Variants in LRRFIP1 observed in about 807,000 individuals in gnomAD.
The protein encoded by LRRFIP1 is LRR binding FLII interacting protein 1.
LRRFIP1 carries 62 observed loss-of-function variants against 104.4 expected under a neutral mutation model. The ratio of observed to expected loss-of-function variants is 0.59; its 90% CI spans 0.48 to 0.73. The LOEUF is 0.73. LRRFIP1 is among the 30% of genes least tolerant of loss of function. LRRFIP1 has a pLI of 0.00. For synonymous variants in LRRFIP1, 300 were observed against 299.0 expected (o/e 1.00, Z -0.03); for missense variants, 796 against 824.5 (o/e 0.97, Z 0.42).
At chr2:237,678,011 C>T (rs530187435) in intron 1 of LRRFIP1, among the ~76,000 whole-genome samples, 6 of 152,246 alleles carry the variant, frequency 3.9e-5, no homozygotes, top group South Asian at 2.1e-4. Flanking sequence ...TCACCTCGGG[C>T]GGACCATTTC....
chr2:237,656,937 T>C (rs921755673), intron 1 of LRRFIP1, among the ~76,000 whole-genome samples: 5 of 152,278 alleles, frequency 3.3e-5, no homozygotes, highest in Non-Finnish European at 7.3e-5. Context: ...AATTTTACAA[T>C]GTTACGAAGA....
At chr2:237,683,011 G>A (rs1413369934) in intron 1 of LRRFIP1, among the ~76,000 whole-genome samples, 1 of 152,238 alleles carries the variant, frequency 6.6e-6, no homozygotes, top group Non-Finnish European at 1.5e-5. Flanking sequence ...AACAGCTGGG[G>A]TGGAGAGCGC....
chr2:237,753,514 G>A, intron 15 of LRRFIP1, 35 bp downstream of exon 15: 1 of 1,510,246 alleles, frequency 6.6e-7, no homozygotes, highest in Non-Finnish European at 8.8e-7. Flanking sequence ...GTTAACAATA[G>A]GCTGCGTGCA....
At chr2:237,659,727 C>T (rs771701213) in intron 1 of LRRFIP1, among the ~76,000 whole-genome samples, 5 of 151,652 alleles carry the variant, frequency 3.3e-5, no homozygotes, top group Admixed American at 6.6e-5. Flanking sequence ...ATCGCTGCCT[C>T]GCTCCTGGGC....
At chr2:237,634,501 A>G (rs1274509437) in intron 1 of LRRFIP1, among the ~76,000 whole-genome samples, 6 of 152,210 alleles carry the variant, frequency 3.9e-5, no homozygotes, top group Non-Finnish European at 7.3e-5. Flanking sequence ...TTACTTATCA[A>G]CTTTGTGCCT....
At chr2:237,663,045 C>T (rs1184272593) in intron 1 of LRRFIP1, among the ~76,000 whole-genome samples, 2 of 152,140 alleles carry the variant, frequency 1.3e-5, no homozygotes, top group African/African-American at 2.4e-5. Context: ...CCCTGCCCTG[C>T]GGGAGCCGGC....
At chr2:237,639,649 T>C (rs2083624840) in intron 1 of LRRFIP1, among the ~76,000 whole-genome samples, 1 of 152,232 alleles carries the variant, frequency 6.6e-6, no homozygotes, top group Non-Finnish European at 1.5e-5. Flanking sequence ...AACCAATGCC[T>C]GGAGCCGGCT....
In LRRFIP1 at chr2:237,726,288, GATAA is replaced by G. The variant is rs537061125; in HGVS notation, c.385-1584_385-1581del. 3.1e-3 allele frequency among the ~76,000 whole-genome samples: 479 copies of G among 152,276 alleles called. 1 individual carries two copies. Among genetic ancestry groups the G allele is most frequent in the African/African-American group, 7.5e-3 (312 of 41,570 alleles). On this transcript the variant is annotated intron_variant, in intron 7 of 23. Coordinates refer to ENST00000308482, the MANE Select transcript of LRRFIP1 (RefSeq NM_001137550.2). ...TTGATTTGTTTTGAGTTACAGCAAA[GATAA>G]ATATATAGTTTGATAGTCAAAGTTT...
intron 19 of LRRFIP1, chr2:237,765,093 C>G (rs781196855): frequency 1.1e-4 from 52 of 477,296 alleles, no homozygotes; most frequent in Non-Finnish European, 1.4e-4. Context: ...GAAACCCTGT[C>G]TCTACTAAAA....
chr2:237,645,480 C>T (rs1424585304), intron 1 of LRRFIP1, among the ~76,000 whole-genome samples: 2 of 149,886 alleles, frequency 1.3e-5, no homozygotes, highest in African/African-American at 2.4e-5. Context: ...CCCTCTCCTC[C>T]GACTTGCCAC....
chr2:237,635,456 T>C (rs1303570441), intron 1 of LRRFIP1, among the ~76,000 whole-genome samples: 1 of 152,188 alleles, frequency 6.6e-6, no homozygotes, highest in Non-Finnish European at 1.5e-5. Flanking sequence ...AGTGCCACTC[T>C]TCATGCTCTT....
Position 237,780,693 on chromosome 2 carries a change from A to C in LRRFIP1, c.*1161A>C, listed in dbSNP as rs574519072. Among the ~76,000 whole-genome samples, 37 of 152,340 alleles carry C rather than the reference A, an allele frequency of 2.4e-4. No individual in the cohort carries two copies. Among genetic ancestry groups the C allele is most frequent in the African/African-American group, 8.7e-4 (36 of 41,584 alleles). ...AACCATATCTAGTCTTAACACATGG[A>C]GAATGCTGGAGTGAGGGTTGTGAGT... On this transcript the variant is annotated 3_prime_UTR_variant, in exon 24 of 24. Transcript: ENST00000308482.
chr2:237,671,969 C>T (rs764034483), intron 1 of LRRFIP1, among the ~76,000 whole-genome samples: 20 of 151,092 alleles, frequency 1.3e-4, no homozygotes, highest in Non-Finnish European at 2.4e-4. Flanking sequence ...CACTGTTCAC[C>T]GGGTTGAGGG....
chr2:237,697,765 A>C (rs2093285841), intron 1 of LRRFIP1, among the ~76,000 whole-genome samples: 1 of 152,178 alleles, frequency 6.6e-6, no homozygotes, highest in Non-Finnish European at 1.5e-5. Flanking sequence ...TGCTGCCTGG[A>C]GGGAAACCTG....
Position 237,645,374 on chromosome 2 carries a change from C to CTGTGTG in LRRFIP1, c.96+17634_96+17635insTGTGTG, listed in dbSNP as rs1553617367. Among the ~76,000 whole-genome samples the CTGTGTG allele has an allele frequency of 1.9e-4, 29 of 152,144 alleles. 1 individual carries two copies. The highest frequency in any genetic ancestry group is 3.1e-4 in the Non-Finnish European group (21 of 67,966). ...GCTGTGTTCCTTCCCTCCTCACTGC[C>CTGTGTG]AAGATGCTGCTGAGCCCTGGTCTCA... On this transcript the variant is annotated intron_variant, in intron 1 of 23. Transcript: ENST00000308482.
chr2:237,679,265 A>G (rs2091526374), intron 1 of LRRFIP1, among the ~76,000 whole-genome samples: 2 of 152,212 alleles, frequency 1.3e-5, no homozygotes, highest in African/African-American at 2.4e-5. Context: ...GCAGTTTTAA[A>G]TGCTATTTAA....
chr2:237,719,227 T>G (rs974517434), intron 4 of LRRFIP1, among the ~76,000 whole-genome samples: 1 of 152,156 alleles, frequency 6.6e-6, no homozygotes. Context: ...TTTAAATGGA[T>G]CAGATGATAG....
chr2:237,654,675 C>T (rs145800542), intron 1 of LRRFIP1, among the ~76,000 whole-genome samples: 1,532 of 152,154 alleles, frequency 0.01, 19 homozygotes, highest in African/African-American at 0.031. Context: ...CTCAGCCTCC[C>T]GAGTAGCTGG....
At position 237,735,321 on chromosome 2, in the gene LRRFIP1, C is replaced by T. The variant is rs367912567; in HGVS notation, c.543C>T (p.Ser181=). ...SFGGTRRGST[S]GSRAPSEYSG... ...GTGGGACCCGACGGGGCAGCACCTCCGGCTCCCGTGCTGTAAGGCGCTTTC... is the reference window on the plus strand; with the variant it reads ...GTGGGACCCGACGGGGCAGCACCTCTGGCTCCCGTGCTGTAAGGCGCTTTC... The change falls in exon 10 of 24, where the codon TCC becomes TCT. Residue 181 remains serine (S), a synonymous_variant. Transcript: ENST00000308482. The surrounding 1 kb of genome is among the most constrained non-coding windows in gnomAD (Gnocchi z 4.6). The T allele has an allele frequency of 3.0e-5, 49 of 1,613,248 alleles. No homozygotes were observed. The highest frequency in any genetic ancestry group is 1.5e-4 in the African/African-American group (11 of 75,028).
Sources: gnomAD v4.1 joint callset for allele counts (sites outside exome capture counted in the v4.1 genomes callset) on GRCh38, gnomAD v4.1.1 for gene constraint, Gnocchi (gnomAD v3.1) non-coding constraint, MANE v1.5 for transcripts, NCBI Gene and HGNC (gene_info 2026-07-23, HGNC 2026-07-21) for gene names.